MRPS5: variants seen among roughly 807,000 people sequenced by gnomAD.
MRPS5 encodes small ribosomal subunit protein uS5m.
A neutral mutation model predicts 51.9 loss-of-function variants in MRPS5; 27 were observed. The observed-to-expected ratio is 0.52, with a 90% CI of 0.38 to 0.72. The LOEUF is 0.72. MRPS5 is among the 30% of genes least tolerant of loss of function. MRPS5 has a pLI of 0.00. For missense variants in MRPS5, 570 were observed against 545.7 expected, an observed-to-expected ratio of 1.04 and a Z score of -0.44; for synonymous variants, 196 against 193.2, an observed-to-expected ratio of 1.01 and a Z score of -0.12.
At chr2:95,121,829 C>T (rs774826527), upstream of MRPS5, 4 of 1,508,262 alleles carry the variant, frequency 2.7e-6, no homozygotes, top group South Asian at 1.2e-5. Flanking sequence ...CCGCCCAGGG[C>T]AGCCTTGCCC....
chr2:95,112,222 G>A (rs1463832028), intron 3 of MRPS5, among the ~76,000 whole-genome samples: 1 of 151,918 alleles, frequency 6.6e-6, no homozygotes, highest in African/African-American at 2.4e-5. Context: ...CTGCCACCAC[G>A]CCCAGCTAAT....
intron 10 of MRPS5, among the ~76,000 whole-genome samples, chr2:95,098,134 A>T (rs1331341645): frequency 6.6e-6 from 1 of 152,202 alleles, no homozygotes; most frequent in East Asian, 1.9e-4. Context: ...TCAAAATCAC[A>T]ATGAGATACC....
chr2:95,111,209 A>T (rs539557617), intron 3 of MRPS5, among the ~76,000 whole-genome samples: 1 of 152,328 alleles, frequency 6.6e-6, no homozygotes, highest in Non-Finnish European at 1.5e-5. Flanking sequence ...GCTCAACTTT[A>T]AGCCAACTCT....
At chr2:95,092,770 C>T (rs1675505720) in intron 10 of MRPS5, 1 of 152,184 alleles carries the variant, frequency 6.6e-6, no homozygotes, top group Admixed American at 6.5e-5. Context: ...CGAATAGTAA[C>T]AGCTCCAGTC....
At chr2:95,120,933 C>A (rs1676425587) in intron 1 of MRPS5, among the ~76,000 whole-genome samples, 1 of 152,108 alleles carries the variant, frequency 6.6e-6, no homozygotes, top group African/African-American at 2.4e-5. Context: ...GTACGACCAA[C>A]ATGGTGAAAC....
At chr2:95,107,414 C>A (rs1675982145) in intron 5 of MRPS5, among the ~76,000 whole-genome samples, 1 of 152,176 alleles carries the variant, frequency 6.6e-6, no homozygotes, top group Non-Finnish European at 1.5e-5. Context: ...CCCTGCCCTT[C>A]CTTCTGTGAG....
At chr2:95,104,473 G>A (rs1675890841) in intron 7 of MRPS5, 167 bp downstream of exon 7, 7 of 699,342 alleles carry the variant, frequency 1.0e-5, no homozygotes, top group African/African-American at 1.8e-5. Flanking sequence ...TTCTCTCTAA[G>A]GGAAGTCATG....
At chr2:95,110,915 T>C (rs1450101017) in intron 3 of MRPS5, among the ~76,000 whole-genome samples, 3 of 152,174 alleles carry the variant, frequency 2.0e-5, no homozygotes, top group East Asian at 1.9e-4. Flanking sequence ...AAACAAATTC[T>C]AGAAGATAAA....
intron 10 of MRPS5, among the ~76,000 whole-genome samples, chr2:95,099,426 A>T (rs978245501): frequency 6.6e-6 from 1 of 152,200 alleles, no homozygotes; most frequent in Admixed American, 6.5e-5. Context: ...TTATTAACCC[A>T]ATATGTCCAA....
At chr2:95,101,983 G>T in intron 7 of MRPS5, 1 of 374,832 alleles carries the variant, frequency 2.7e-6, no homozygotes, top group Non-Finnish European at 4.8e-6. Context: ...GCAAGACTCT[G>T]TCTCTATTAA....
At chr2:95,104,604 A>T (rs1160555393) in intron 7 of MRPS5, 36 bp downstream of exon 7, 1 of 1,608,246 alleles carries the variant, frequency 6.2e-7, no homozygotes, top group Non-Finnish European at 8.5e-7. Flanking sequence ...TTCCCTGCAC[A>T]CCACCGCCAC....
intron 5 of MRPS5, 44 bp downstream of exon 5, chr2:95,108,131 A>G: frequency 6.5e-7 from 1 of 1,538,374 alleles, no homozygotes; most frequent in Non-Finnish European, 9.0e-7. Context: ...CTAAACTACA[A>G]GTACTCTCTG....
intron 10 of MRPS5, among the ~76,000 whole-genome samples, chr2:95,099,999 C>G (rs1447247425): frequency 1.3e-5 from 2 of 152,156 alleles, no homozygotes; most frequent in Non-Finnish European, 2.9e-5. Context: ...TGACCCTGAA[C>G]TCTGCCTGCC....
At chr2:95,110,533 T>G (rs1266318519) in intron 3 of MRPS5, among the ~76,000 whole-genome samples, 1 of 152,206 alleles carries the variant, frequency 6.6e-6, no homozygotes, top group Non-Finnish European at 1.5e-5. Context: ...CCAGGTACAG[T>G]GGCTCATTCC....
intron 8 of MRPS5, among the ~76,000 whole-genome samples, chr2:95,101,339 G>C (rs1439655776): frequency 1.3e-5 from 2 of 150,940 alleles, no homozygotes; most frequent in Admixed American, 6.6e-5. Flanking sequence ...AGCCGAGATC[G>C]TGCCACTGCA....
Position 95,090,383 on chromosome 2 carries a change from T to C in MRPS5, c.1068+3A>G, listed in dbSNP as rs776911223. The C allele has an allele frequency of 1.2e-6, 2 of 1,612,952 alleles. No homozygotes were observed. Among genetic ancestry groups the C allele is most frequent in the Non-Finnish European group, 1.7e-6 (2 of 1,179,846 alleles). ...TCTGTTTCAGACCCCGGGAAAGGATTACCTGTCTGGAGAGCCCACGGAAGA... is the reference window on the plus strand; with the variant it reads ...TCTGTTTCAGACCCCGGGAAAGGATCACCTGTCTGGAGAGCCCACGGAAGA... On this transcript the variant is annotated splice_donor_region_variant and intron_variant, in intron 11 of 11. Transcript: ENST00000272418.
chr2:95,095,047 T>G (rs939002297), intron 10 of MRPS5, among the ~76,000 whole-genome samples: 2 of 151,658 alleles, frequency 1.3e-5, no homozygotes, highest in Non-Finnish European at 2.9e-5. Context: ...ACCAAGCAAA[T>G]GGAAAGCAAA....
intron 2 of MRPS5, among the ~76,000 whole-genome samples, chr2:95,116,767 C>T (rs1213319764): frequency 6.6e-6 from 1 of 152,204 alleles, no homozygotes; most frequent in Non-Finnish European, 1.5e-5. Flanking sequence ...GAGGCCAAGG[C>T]GGGTGGCTCA....
intron 11 of MRPS5, among the ~76,000 whole-genome samples, chr2:95,088,437 T>C (rs556509100): frequency 6.6e-6 from 1 of 152,330 alleles, no homozygotes; most frequent in African/African-American, 2.4e-5. Context: ...GGCAGATTAG[T>C]TCAGTAGACG....
Sources: allele counts gnomAD v4.1 joint callset (sites outside exome capture counted in the v4.1 genomes callset), GRCh38; gene constraint gnomAD v4.1.1; transcripts MANE v1.5; gene names NCBI Gene and HGNC (gene_info 2026-07-23, HGNC 2026-07-21).